The following OR1J2 variants were observed in gnomAD, a reference collection of about 807,000 sequenced individuals.
The protein encoded by OR1J2 is olfactory receptor family 1 subfamily J member 2.
For synonymous variants in OR1J2, 142 were observed against 99.7 expected (o/e 1.42, Z -2.52); for missense variants, 304 against 246.1 (o/e 1.24, Z -1.57).
At chr9:122,564,544 G>A in the OR1J2 span, among the ~76,000 whole-genome samples, 1 of 152,146 alleles carries the variant, frequency 6.6e-6, no homozygotes, top group African/African-American at 2.4e-5. Context: ...AAAAGATGCA[G>A]GGGTGGTGAT....
chr9:122,487,568 T>G, the OR1J2 span, among the ~76,000 whole-genome samples: 2,034 of 152,274 alleles, frequency 0.013, 23 homozygotes, highest in Admixed American at 0.024. Flanking sequence ...CTCCTTGGTA[T>G]GAACCAATCA....
chr9:122,567,835 T>G, the OR1J2 span: 2 of 1,613,960 alleles, frequency 1.2e-6, no homozygotes, highest in Non-Finnish European at 1.7e-6. Flanking sequence ...GAGAAAGCAA[T>G]GCAGAGAAAA....
the OR1J2 span, among the ~76,000 whole-genome samples, chr9:122,493,023 G>T: frequency 6.6e-6 from 1 of 152,108 alleles, no homozygotes. Context: ...ACTTACGTAT[G>T]TTAAATCATC....
chr9:122,476,933 C>A, the OR1J2 span: 2 of 1,014,624 alleles, frequency 2.0e-6, no homozygotes, highest in Non-Finnish European at 3.1e-6. Flanking sequence ...GTCTCGAACT[C>A]CTGATCTCAG....
chr9:122,503,426 G>A, the OR1J2 span, among the ~76,000 whole-genome samples: 1 of 152,160 alleles, frequency 6.6e-6, no homozygotes, highest in Non-Finnish European at 1.5e-5. Flanking sequence ...GTTCATCCAT[G>A]GTGAGAGGAA....
chr9:122,526,813 T>C, the OR1J2 span: 18 of 1,613,824 alleles, frequency 1.1e-5, no homozygotes, highest in East Asian at 1.8e-4. Flanking sequence ...AACCGAGCCA[T>C]GAGGAACGTG....
At chr9:122,571,922 G>T in the OR1J2 span, among the ~76,000 whole-genome samples, 1 of 152,096 alleles carries the variant, frequency 6.6e-6, no homozygotes, top group Admixed American at 6.5e-5. Context: ...TCCAAACTGG[G>T]TAATTTTTAA....
chr9:122,526,874 G>A, the OR1J2 span: 2 of 1,614,174 alleles, frequency 1.2e-6, no homozygotes, highest in Non-Finnish European at 1.7e-6. Context: ...CAAGCATTAG[G>A]GCACAGACTT....
the OR1J2 span, among the ~76,000 whole-genome samples, chr9:122,521,498 G>A: frequency 2.6e-5 from 4 of 152,228 alleles, no homozygotes; most frequent in African/African-American, 4.8e-5. Flanking sequence ...ATCCTTCATC[G>A]GGGGCTCATG....
At chr9:122,568,173 A>T in the OR1J2 span, 1 of 1,614,076 alleles carries the variant, frequency 6.2e-7, no homozygotes, top group Admixed American at 1.7e-5. Context: ...GAGAAAATAC[A>T]TCTGTGTCAG....
At chr9:122,493,905 C>G in the OR1J2 span, among the ~76,000 whole-genome samples, 1 of 151,942 alleles carries the variant, frequency 6.6e-6, no homozygotes, top group Non-Finnish European at 1.5e-5. Context: ...CACTATTACT[C>G]AGTTCAAAGA....
the OR1J2 span, chr9:122,554,055 A>G: frequency 8.7e-6 from 14 of 1,613,550 alleles, no homozygotes; most frequent in Admixed American, 1.7e-5. Flanking sequence ...TGTTCTCTAT[A>G]TGGTGATTAT....
chr9:122,454,687 G>C, the OR1J2 span, among the ~76,000 whole-genome samples: 1 of 152,094 alleles, frequency 6.6e-6, no homozygotes, highest in African/African-American at 2.4e-5. Flanking sequence ...ACTGCTTCTT[G>C]TGTCCATTAC....
chr9:122,527,244 G>A, the OR1J2 span: 1,099 of 1,613,164 alleles, frequency 6.8e-4, no homozygotes, highest in Non-Finnish European at 8.0e-4. Context: ...CTCTGGAGGC[G>A]CTGATATTCC....
chr9:122,496,211 C>T, the OR1J2 span, among the ~76,000 whole-genome samples: 9 of 152,188 alleles, frequency 5.9e-5, no homozygotes, highest in East Asian at 1.9e-4. Flanking sequence ...AGCTGCAGTC[C>T]TATGGGGAGG....
chr9:122,513,597 AC>A (rs1481563564), downstream of OR1J2, among the ~76,000 whole-genome samples: 1 of 151,810 alleles, frequency 6.6e-6, no homozygotes, highest in African/African-American at 2.4e-5. Context: ...ACATAGGTAT[AC>A]GTGTACCATG....
chr9:122,476,740 C>G, the OR1J2 span, among the ~76,000 whole-genome samples: 1 of 151,726 alleles, frequency 6.6e-6, no homozygotes, highest in Admixed American at 6.6e-5. Context: ...GAGTCTTGCT[C>G]TGTCACCCAG....
chr9:122,517,368 A>T, the OR1J2 span, among the ~76,000 whole-genome samples: 2 of 152,220 alleles, frequency 1.3e-5, no homozygotes, highest in African/African-American at 4.8e-5. Context: ...CTATGGGTCC[A>T]TTCGGAACTC....
At chr9:122,485,285 T>TA in the OR1J2 span, among the ~76,000 whole-genome samples, 2 of 152,216 alleles carry the variant, frequency 1.3e-5, no homozygotes, top group African/African-American at 4.8e-5. Context: ...ATGAATGCTT[T>TA]ACTATTAATC....
Sources: gnomAD v4.1 joint callset for allele counts (sites outside exome capture counted in the v4.1 genomes callset) on GRCh38, gnomAD v4.1.1 for gene constraint, MANE v1.5 for transcripts, NCBI Gene and HGNC (gene_info 2026-07-23, HGNC 2026-07-21) for gene names.